Variants in CLNK observed in about 807,000 individuals in gnomAD.
The protein encoded by CLNK is cytokine dependent hematopoietic cell linker.
A neutral mutation model predicts 68.6 loss-of-function variants in CLNK; 74 were observed. The ratio of observed to expected loss-of-function variants is 1.08; its 90% CI spans 0.89 to 1.31. The LOEUF is 1.31. Ranked by LOEUF, CLNK falls within the 50% of genes most tolerant of loss-of-function variation. CLNK has a pLI of 0.00. For synonymous variants in CLNK, 198 were observed against 172.2 expected (o/e 1.15, Z -1.17); for missense variants, 553 against 515.3 (o/e 1.07, Z -0.71).
intron 2 of CLNK, among the ~76,000 whole-genome samples, chr4:10,634,404 C>T (rs550503698): frequency 8.5e-5 from 13 of 152,158 alleles, no homozygotes; most frequent in Non-Finnish European, 1.6e-4. Context: ...GCGCTCGGCT[C>T]TTCATAATCT....
chr4:10,628,965 AG>A (rs1188481161), intron 2 of CLNK, among the ~76,000 whole-genome samples: 1 of 152,206 alleles, frequency 6.6e-6, no homozygotes, highest in Non-Finnish European at 1.5e-5. Flanking sequence ...GTCTGCTCTG[AG>A]GACCCAAAAG....
At chr4:10,681,256 C>G (rs1018009183) in intron 1 of CLNK, among the ~76,000 whole-genome samples, 8 of 152,102 alleles carry the variant, frequency 5.3e-5, no homozygotes, top group Admixed American at 1.3e-4. Flanking sequence ...GTCAAAGTAC[C>G]AGAGTGAACT....
At chr4:10,628,303 G>T (rs1479860536) in intron 2 of CLNK, among the ~76,000 whole-genome samples, 1 of 118,886 alleles carries the variant, frequency 8.4e-6, no homozygotes, top group African/African-American at 2.8e-5. Flanking sequence ...GGCTTGTTTA[G>T]TTAGACTTGT....
chr4:10,679,844 G>T (rs547618717), intron 1 of CLNK, among the ~76,000 whole-genome samples: 4 of 152,040 alleles, frequency 2.6e-5, no homozygotes, highest in East Asian at 3.9e-4. Context: ...TTAGAATGGC[G>T]ATCATTAAAA....
intron 1 of CLNK, among the ~76,000 whole-genome samples, chr4:10,678,644 A>G (rs890721243): frequency 5.3e-5 from 8 of 152,138 alleles, no homozygotes; most frequent in African/African-American, 1.7e-4. Context: ...CTCAGCCCAA[A>G]ATCTCCTTAA....
chr4:10,628,903 G>A (rs1293098617), intron 2 of CLNK, among the ~76,000 whole-genome samples: 1 of 152,190 alleles, frequency 6.6e-6, no homozygotes, highest in Non-Finnish European at 1.5e-5. Flanking sequence ...ATTGCAGGAA[G>A]GAAGGCTAAG....
At chr4:10,508,972 T>C (rs1179151700) in intron 16 of CLNK, among the ~76,000 whole-genome samples, 1 of 152,000 alleles carries the variant, frequency 6.6e-6, no homozygotes, top group Non-Finnish European at 1.5e-5. Context: ...CCGGGTGTAG[T>C]GACGTGTGCC....
intron 4 of CLNK, among the ~76,000 whole-genome samples, chr4:10,579,715 C>G (rs1720705397): frequency 6.6e-6 from 1 of 152,198 alleles, no homozygotes; most frequent in South Asian, 2.1e-4. Context: ...GAAACTGGGT[C>G]CACCCAAACT....
At chr4:10,638,872 C>A (rs1723196031) in intron 2 of CLNK, among the ~76,000 whole-genome samples, 1 of 152,096 alleles carries the variant, frequency 6.6e-6, no homozygotes. Context: ...TTTACATGGT[C>A]CCCTCTGAAC....
chr4:10,659,787 C>CT (rs199965533), intron 2 of CLNK, among the ~76,000 whole-genome samples: 14 of 151,312 alleles, frequency 9.3e-5, no homozygotes, highest in South Asian at 4.2e-4. Context: ...CCAGGAATTC[C>CT]TTTTTTTTTC....
intron 3 of CLNK, among the ~76,000 whole-genome samples, chr4:10,594,949 C>G (rs1721328943): frequency 6.6e-6 from 1 of 152,140 alleles, no homozygotes; most frequent in Admixed American, 6.5e-5. Flanking sequence ...TCAAAATTAG[C>G]TGGATGTGGT....
chr4:10,585,094 C>T lies in CLNK; in HGVS notation c.84-139G>A, dbSNP rs1482911826. On this transcript the variant is annotated intron_variant, in intron 3 of 18. Coordinates refer to ENST00000226951, the MANE Select transcript of CLNK (RefSeq NM_052964.4). ...TGCTTTATGTATGTACTATTGTAGA[C>T]CTGAAGTCACATATTATTCTATTAT... 8.9e-6 allele frequency: 6 copies of T among 672,594 alleles called. No homozygotes were observed. In the East Asian group the frequency reaches 1.1e-4, roughly 13 times the overall value. The allele number at this position is 672,594 out of a possible 1,614,324, so 41.7% of individuals were successfully genotyped here.
At chr4:10,572,110 G>T (rs912133593) in intron 4 of CLNK, among the ~76,000 whole-genome samples, 1 of 152,320 alleles carries the variant, frequency 6.6e-6, no homozygotes, top group African/African-American at 2.4e-5. Context: ...AATTGCTCCC[G>T]AAGTCTTGAG....
intron 14 of CLNK, among the ~76,000 whole-genome samples, chr4:10,522,762 A>G (rs1408768485): frequency 1.3e-5 from 2 of 152,196 alleles, no homozygotes; most frequent in African/African-American, 4.8e-5. Context: ...AATGTAGAAT[A>G]AATGTTATGG....
chr4:10,539,163 C>T (rs781438969), intron 11 of CLNK, among the ~76,000 whole-genome samples: 1 of 152,144 alleles, frequency 6.6e-6, no homozygotes, highest in South Asian at 2.1e-4. Flanking sequence ...TGAATCGAGA[C>T]TTGAGAGCCT....
Position 10,502,263 on chromosome 4 carries a change from G to A in CLNK, c.985-852C>T, listed in dbSNP as rs536423276. ...GGAAACTTATAATCAGGCGGAAGGC[G>A]AAGGGGAAGCAAGCTTGGACCTTCT... On this transcript the variant is annotated intron_variant, in intron 17 of 18. Coordinates refer to ENST00000226951, the MANE Select transcript of CLNK (RefSeq NM_052964.4). Among the ~76,000 whole-genome samples, 27 of 152,214 alleles carry A rather than the reference G, an allele frequency of 1.8e-4. 1 individual carries two copies. Among genetic ancestry groups the A allele is most frequent in the African/African-American group, 2.9e-4 (12 of 41,462 alleles).
intron 15 of CLNK, among the ~76,000 whole-genome samples, chr4:10,514,193 A>C (rs1385952022): frequency 1.0e-4 from 14 of 140,680 alleles, no homozygotes; most frequent in Admixed American, 3.6e-4. Flanking sequence ...TGAACTCATC[A>C]TTTTTTATGG....
intron 1 of CLNK, among the ~76,000 whole-genome samples, chr4:10,677,838 A>G (rs35789677): frequency 0.19 from 16,067 of 82,476 alleles, 1,117 homozygotes; most frequent in East Asian, 0.31. Context: ...TAAAAATAGC[A>G]ATAATAATAA....
intron 3 of CLNK, among the ~76,000 whole-genome samples, chr4:10,587,027 G>A (rs565113695): frequency 1.4e-3 from 213 of 151,916 alleles, no homozygotes; most frequent in Non-Finnish European, 2.0e-3. Flanking sequence ...TGCAATCTTG[G>A]AATCTTGGCT....
Sources: gnomAD v4.1 joint callset for allele counts (sites outside exome capture counted in the v4.1 genomes callset) on GRCh38, gnomAD v4.1.1 for gene constraint, MANE v1.5 for transcripts, NCBI Gene and HGNC (gene_info 2026-07-23, HGNC 2026-07-21) for gene names.